The following AKT3 variants were observed in gnomAD, a reference collection of about 807,000 sequenced individuals.
The protein encoded by AKT3 is RAC-gamma serine/threonine-protein kinase.
In AKT3, 15 loss-of-function variants were observed where a neutral mutation model predicts 65.3. The ratio of observed to expected loss-of-function variants is 0.23; its 90% CI spans 0.15 to 0.35. AKT3 has a LOEUF of 0.35. AKT3 is among the 10% of genes least tolerant of loss of function. The pLI, the probability that AKT3 is intolerant of heterozygous loss-of-function variation, is 1.00. For synonymous variants in AKT3, 206 were observed against 183.8 expected, an observed-to-expected ratio of 1.12 and a Z score of -0.98; for missense variants, 243 against 576.5, an observed-to-expected ratio of 0.42 and a Z score of 5.92.
intron 9 of AKT3, among the ~76,000 whole-genome samples, chr1:243,565,824 T>C (rs1443635409): frequency 6.6e-6 from 1 of 152,052 alleles, no homozygotes; most frequent in Non-Finnish European, 1.5e-5. Context: ...TCTGTTGTTT[T>C]ACTGAATAAA....
chr1:243,646,288 T>C (rs1680807464), intron 4 of AKT3, among the ~76,000 whole-genome samples: 1 of 152,000 alleles, frequency 6.6e-6, no homozygotes, highest in Admixed American at 6.6e-5. Flanking sequence ...AAGAAAAAAA[T>C]TGTTGAAAAC....
intron 2 of AKT3, among the ~76,000 whole-genome samples, chr1:243,785,400 T>A (rs79670518): frequency 6.6e-6 from 1 of 152,178 alleles, no homozygotes; most frequent in South Asian, 2.1e-4. Flanking sequence ...TATAATATAA[T>A]TTTCTACACA....
At chr1:243,730,325 GTAAAACTT>G (rs2148141518) in intron 2 of AKT3, among the ~76,000 whole-genome samples, 1 of 152,274 alleles carries the variant, frequency 6.6e-6, no homozygotes, top group African/African-American at 2.4e-5. Context: ...CTGCTACTCA[GTAAAACTT>G]CTCCACCTTG....
chr1:243,816,698 G>C (rs1231896949), intron 2 of AKT3, among the ~76,000 whole-genome samples: 4 of 151,898 alleles, frequency 2.6e-5, no homozygotes, highest in African/African-American at 9.7e-5. Flanking sequence ...CAAGAGAATA[G>C]AAATCTGAAT....
intron 8 of AKT3, among the ~76,000 whole-genome samples, chr1:243,589,320 A>AAG (rs1553410455): frequency 2.7e-5 from 4 of 149,468 alleles, no homozygotes; most frequent in Admixed American, 6.7e-5. Flanking sequence ...AAAAAAAAAA[A>AAG]AAAAGAAAAA....
intron 8 of AKT3, among the ~76,000 whole-genome samples, chr1:243,603,696 T>C (rs1311053158): frequency 1.3e-5 from 2 of 152,178 alleles, no homozygotes; most frequent in Non-Finnish European, 2.9e-5. Context: ...GCCTCAAATA[T>C]AGCATGATCT....
intron 3 of AKT3, among the ~76,000 whole-genome samples, chr1:243,671,078 CTTTTT>C (rs569050061): frequency 3.6e-5 from 5 of 137,176 alleles, no homozygotes; most frequent in South Asian, 2.3e-4. Context: ...TAATAGATTC[CTTTTT>C]TTTTTTTTTT....
At chr1:243,535,852 C>T (rs1671889738) in intron 12 of AKT3, among the ~76,000 whole-genome samples, 1 of 152,154 alleles carries the variant, frequency 6.6e-6, no homozygotes, top group Admixed American at 6.5e-5. Flanking sequence ...AGCATGTAAG[C>T]ATTCCCTTTT....
At chr1:243,849,856 G>A (rs997795462) in intron 1 of AKT3, among the ~76,000 whole-genome samples, 184 bp downstream of exon 1, 4 of 151,548 alleles carry the variant, frequency 2.6e-5, no homozygotes, top group Non-Finnish European at 5.9e-5. Context: ...CACACCCGAA[G>A]CCTCCGGTGA....
chr1:243,824,576 T>C (rs1259342006), intron 2 of AKT3, among the ~76,000 whole-genome samples: 4 of 151,868 alleles, frequency 2.6e-5, no homozygotes, highest in African/African-American at 7.3e-5. Flanking sequence ...AAAAACTTCA[T>C]TCGAAAGTGG....
intron 2 of AKT3, among the ~76,000 whole-genome samples, chr1:243,766,319 AGGG>A (rs1276065884): frequency 1.3e-5 from 2 of 152,140 alleles, no homozygotes; most frequent in Non-Finnish European, 2.9e-5. Flanking sequence ...AGGGTATCCC[AGGG>A]GGAGAAAGAA....
intron 9 of AKT3, among the ~76,000 whole-genome samples, chr1:243,568,556 G>A (rs1007173614): frequency 6.6e-6 from 1 of 152,140 alleles, no homozygotes; most frequent in Non-Finnish European, 1.5e-5. Context: ...GATTCAGTGT[G>A]TATATGAAGA....
chr1:243,586,176 T>C (rs1204788590), intron 8 of AKT3, among the ~76,000 whole-genome samples: 3 of 152,118 alleles, frequency 2.0e-5, no homozygotes, highest in Non-Finnish European at 2.9e-5. Flanking sequence ...CACAATGAGA[T>C]ATCATCTCAT....
At chr1:243,681,560 T>C (rs371241195) in intron 3 of AKT3, among the ~76,000 whole-genome samples, 1 of 152,098 alleles carries the variant, frequency 6.6e-6, no homozygotes, top group African/African-American at 2.4e-5. Context: ...CAGAAAGAAG[T>C]CTCGCTATTA....
intron 8 of AKT3, among the ~76,000 whole-genome samples, chr1:243,596,870 T>G (rs1478331657): frequency 6.6e-6 from 1 of 152,046 alleles, no homozygotes; most frequent in African/African-American, 2.4e-5. Context: ...ATAAAAGAAA[T>G]AAATGACTGA....
chr1:243,743,599 T>C (rs1688298060), intron 2 of AKT3, among the ~76,000 whole-genome samples: 2 of 152,252 alleles, frequency 1.3e-5, no homozygotes. Context: ...CAGCCCTTCT[T>C]AACATAGGAA....
At chr1:243,674,690 C>T (rs1187605443) in intron 3 of AKT3, among the ~76,000 whole-genome samples, 1 of 152,150 alleles carries the variant, frequency 6.6e-6, no homozygotes. Flanking sequence ...TTATAAAAAC[C>T]AAATGCAATG....
intron 3 of AKT3, among the ~76,000 whole-genome samples, chr1:243,673,074 T>C (rs182098899): frequency 1.3e-5 from 2 of 152,352 alleles, no homozygotes; most frequent in East Asian, 3.9e-4. Flanking sequence ...TTTTGCAGTA[T>C]AATAGCCATG....
chr1:243,749,130 T>C (rs1688650711), intron 2 of AKT3, among the ~76,000 whole-genome samples: 1 of 152,134 alleles, frequency 6.6e-6, no homozygotes, highest in African/African-American at 2.4e-5. Flanking sequence ...TTCTATGGAA[T>C]CCCTGATCAT....
Sources: allele counts gnomAD v4.1 joint callset (sites outside exome capture counted in the v4.1 genomes callset), GRCh38; gene constraint gnomAD v4.1.1; transcripts MANE v1.5; gene names NCBI Gene and HGNC (gene_info 2026-07-23, HGNC 2026-07-21).